The following MADD variants were observed in gnomAD, a reference collection of about 807,000 sequenced individuals.
MADD encodes MAP kinase activating death domain.
In MADD, 109 loss-of-function variants were observed where a neutral mutation model predicts 176.7. The ratio of observed to expected loss-of-function variants is 0.62; its 90% CI spans 0.53 to 0.72. The LOEUF (loss-of-function observed/expected upper bound fraction) is 0.72, where lower values mean the gene tolerates loss of function less well. Among genes scored for constraint, MADD ranks in the 30% least tolerant of loss-of-function variants. The probability of loss-of-function intolerance (pLI) is 0.00; values close to 1 mark genes in which losing one functional copy is unlikely to be tolerated. For synonymous variants in MADD, 771 were observed against 771.3 expected, an observed-to-expected ratio of 1.00 and a Z score of 0.01; for missense variants, 1,914 against 2,045.5, an observed-to-expected ratio of 0.94 and a Z score of 1.24.
chr11:47,302,529 A>G (rs1348665621), intron 22 of MADD, among the ~76,000 whole-genome samples: 4 of 152,180 alleles, frequency 2.6e-5, no homozygotes, highest in East Asian at 3.8e-4. Context: ...AGTTTTTGAC[A>G]TAAAGTCTGT....
At chr11:47,299,680 C>T (rs753349787) in intron 22 of MADD, among the ~76,000 whole-genome samples, 3 of 122,146 alleles carry the variant, frequency 2.5e-5, no homozygotes, top group Non-Finnish European at 5.1e-5. Flanking sequence ...TAGGCATGCA[C>T]CACCGTGCCC....
chr11:47,305,434 G>A (rs1437971413), intron 22 of MADD, among the ~76,000 whole-genome samples: 2 of 152,106 alleles, frequency 1.3e-5, no homozygotes, highest in African/African-American at 4.8e-5. Context: ...AATACTGGGG[G>A]ATAGGCCATA....
intron 22 of MADD, 108 bp downstream of exon 24, chr11:47,296,163 G>A: frequency 3.1e-6 from 4 of 1,280,528 alleles, no homozygotes; most frequent in Non-Finnish European, 4.3e-6. Context: ...GGTTAAATAA[G>A]GAAGAGGTAA....
intron 7 of MADD, among the ~76,000 whole-genome samples, chr11:47,279,799 A>G (rs1445477587): frequency 6.6e-6 from 1 of 151,788 alleles, no homozygotes; most frequent in Non-Finnish European, 1.5e-5. Flanking sequence ...TTGGCTGGGC[A>G]CGGTGCCTCA....
At chr11:47,293,829 C>G in intron 19 of MADD, 54 bp from the exon 22 acceptor site, 1 of 1,199,942 alleles carries the variant, frequency 8.3e-7, no homozygotes, top group South Asian at 1.2e-5. Context: ...ACCCCCTTTA[C>G]CAGCCTGCCC....
chr11:47,319,854 G>T (rs2094056368), intron 27 of MADD, among the ~76,000 whole-genome samples: 1 of 151,952 alleles, frequency 6.6e-6, no homozygotes, highest in South Asian at 2.1e-4. Context: ...AGCCGGGCGT[G>T]TTGGGCAGGC....
chr11:47,289,987 C>T, exon 17 of MADD: 2 of 1,614,162 alleles, frequency 1.2e-6, no homozygotes, highest in Non-Finnish European at 1.7e-6. Context: ...GAGTCTTTGT[C>T]CTGAGCAAGC....
intron 8 of MADD, among the ~76,000 whole-genome samples, chr11:47,282,149 G>T (rs1259362633): frequency 6.6e-6 from 1 of 152,004 alleles, no homozygotes. Context: ...GTTTCTTTAT[G>T]TATAAAATAT....
chr11:47,282,278 T>C, intron 8 of MADD, 103 bp from the exon 9 acceptor site: 1 of 831,924 alleles, frequency 1.2e-6, no homozygotes, highest in Non-Finnish European at 2.0e-6. Flanking sequence ...CCCTTGATGT[T>C]GGAAGCCTGT....
chr11:47,324,913 C>T, intron 30 of MADD: 1 of 601,610 alleles, frequency 1.7e-6, no homozygotes, highest in Non-Finnish European at 3.0e-6. Flanking sequence ...TTCCTCTATT[C>T]CCAGGATATG....
chr11:47,288,870 T>TG (rs2062878440), intron 15 of MADD, 98 bp from the exon 16 acceptor site: 1 of 911,324 alleles, frequency 1.1e-6, no homozygotes, highest in Non-Finnish European at 1.7e-6. Flanking sequence ...CCTCAAGCTT[T>TG]GGGAGAATGC....
chr11:47,275,530 G>A (rs748236402), intron 3 of MADD, among the ~76,000 whole-genome samples: 1 of 152,128 alleles, frequency 6.6e-6, no homozygotes, highest in Non-Finnish European at 1.5e-5. Context: ...ACCTCAGGTG[G>A]TCCACCCACG....
Position 47,289,851 on chromosome 11 carries a change from T to G in MADD, c.2757-16T>G, listed in dbSNP as rs2063755442. ...AAGGAGCTGATGACCACAGAAGCGG[T>G]GTGTGGACCCTGTAGTGAGAACCAG... is the stretch of plus-strand genomic sequence containing the variant. On this transcript the variant is annotated splice_polypyrimidine_tract_variant and intron_variant, in intron 16 of 32. Transcript: ENST00000402192. 6.2e-7 allele frequency: 1 copy of G among 1,612,270 alleles called. No individual in the cohort carries two copies.
chr11:47,278,220 A>G (rs770455337), exon 6 of MADD: 3 of 1,613,992 alleles, frequency 1.9e-6, no homozygotes, highest in African/African-American at 1.3e-5. Flanking sequence ...TTCTTCCTCT[A>G]CAAACTGGAC....
chr11:47,277,231 G>A (rs957126969), intron 5 of MADD, among the ~76,000 whole-genome samples: 13 of 152,054 alleles, frequency 8.5e-5, no homozygotes, highest in Non-Finnish European at 7.3e-5. Flanking sequence ...CATATATACC[G>A]GTGATACCGT....
intron 22 of MADD, among the ~76,000 whole-genome samples, 182 bp downstream of exon 24, chr11:47,296,237 C>A (rs2071649516): frequency 6.6e-6 from 1 of 152,176 alleles, no homozygotes; most frequent in Non-Finnish European, 1.5e-5. Context: ...ATTTGACTCA[C>A]AATCTGGGGC....
intron 26 of MADD, among the ~76,000 whole-genome samples, chr11:47,312,770 T>C (rs2090515896): frequency 6.6e-6 from 1 of 152,208 alleles, no homozygotes; most frequent in South Asian, 2.1e-4. Context: ...CAGTTGTGCT[T>C]GTAAATGTCC....
chr11:47,325,858 G>A lies in MADD; in HGVS notation c.4543-880G>A, dbSNP rs1414568566. Reference sequence around the variant, plus strand: ...CCATCCAAGCCAGTCTGTGGTTGAAGGCTTGGCCCCTAGAAGATAGACTGC... The same window carrying A: ...CCATCCAAGCCAGTCTGTGGTTGAAAGCTTGGCCCCTAGAAGATAGACTGC... On this transcript the variant is annotated intron_variant, in intron 30 of 32. Transcript: ENST00000402192. This position sits in a 1 kb window ranked among gnomAD's most constrained non-coding sequence, Gnocchi z 4.5. Among the ~76,000 whole-genome samples, 1 of 152,252 alleles carries A rather than the reference G, an allele frequency of 6.6e-6. No individual in the cohort carries two copies. The highest frequency in any genetic ancestry group is 1.5e-5 in the Non-Finnish European group (1 of 68,052).
intron 22 of MADD, among the ~76,000 whole-genome samples, chr11:47,302,150 A>C (rs961289879): frequency 6.6e-5 from 10 of 152,154 alleles, no homozygotes; most frequent in Non-Finnish European, 1.3e-4. Context: ...TTGAATGCAT[A>C]TATATTTGCA....
Sources: gnomAD v4.1 joint callset for allele counts (sites outside exome capture counted in the v4.1 genomes callset) on GRCh38, gnomAD v4.1.1 for gene constraint, Gnocchi (gnomAD v3.1) non-coding constraint, MANE v1.5 for transcripts, NCBI Gene and HGNC (gene_info 2026-07-23, HGNC 2026-07-21) for gene names.